The following CTNND2 variants were observed in gnomAD, a reference collection of about 807,000 sequenced individuals.
CTNND2 encodes the protein catenin delta-2.
In CTNND2, 22 loss-of-function variants were observed where a neutral mutation model predicts 144.4. The observed-to-expected ratio is 0.15, with a 90% confidence interval of 0.11 to 0.22. The LOEUF (loss-of-function observed/expected upper bound fraction) is 0.22, where lower values mean the gene tolerates loss of function less well. Among genes scored for constraint, CTNND2 ranks in the 10% least tolerant of loss-of-function variants. CTNND2 has a pLI of 1.00. For synonymous variants in CTNND2, 751 were observed against 695.6 expected (o/e 1.08, Z -1.25); for missense variants, 1,353 against 1,618.8 (o/e 0.84, Z 2.82).
At chr5:11,702,970 C>T (rs921192948) in intron 2 of CTNND2, among the ~76,000 whole-genome samples, 5 of 152,166 alleles carry the variant, frequency 3.3e-5, no homozygotes, top group Admixed American at 6.5e-5. Context: ...TCAGATGCTT[C>T]AGTGTTACTC....
intron 2 of CTNND2, among the ~76,000 whole-genome samples, chr5:11,650,160 T>G (rs1782575223): frequency 6.6e-6 from 1 of 152,082 alleles, no homozygotes; most frequent in African/African-American, 2.4e-5. Context: ...CCCTTGCAGT[T>G]TTCATGATAG....
intron 5 of CTNND2, among the ~76,000 whole-genome samples, chr5:11,400,853 A>G (rs1459510774): frequency 1.3e-5 from 2 of 152,246 alleles, no homozygotes; most frequent in African/African-American, 2.4e-5. Context: ...ACATGGTAAC[A>G]TGAAGAGGCT....
At chr5:11,813,530 C>A (rs1380933712) in intron 1 of CTNND2, among the ~76,000 whole-genome samples, 1 of 152,144 alleles carries the variant, frequency 6.6e-6, no homozygotes, top group Admixed American at 6.6e-5. Flanking sequence ...CTAATTTGGT[C>A]TTGTACAAGC....
chr5:11,234,188 C>G (rs1741365397), intron 10 of CTNND2, among the ~76,000 whole-genome samples: 1 of 152,152 alleles, frequency 6.6e-6, no homozygotes, highest in South Asian at 2.1e-4. Context: ...CAGACACACA[C>G]ACATATGCAC....
chr5:10,992,203 C>A (rs1738759205), intron 19 of CTNND2, among the ~76,000 whole-genome samples: 1 of 152,212 alleles, frequency 6.6e-6, no homozygotes, highest in African/African-American at 2.4e-5. Context: ...CAGGCATGAG[C>A]CACCTCGCCA....
chr5:11,460,422 T>C (rs1766091870), intron 3 of CTNND2, among the ~76,000 whole-genome samples: 1 of 152,240 alleles, frequency 6.6e-6, no homozygotes, highest in Non-Finnish European at 1.5e-5. Flanking sequence ...CTGAATAACC[T>C]AAATGTTGAG....
chr5:11,461,567 G>T (rs555353678), intron 3 of CTNND2, among the ~76,000 whole-genome samples: 1 of 152,228 alleles, frequency 6.6e-6, no homozygotes, highest in South Asian at 2.1e-4. Context: ...GCTGAAGCTT[G>T]CTGTGGATGT....
chr5:11,375,546 T>C (rs1451011384), intron 7 of CTNND2, among the ~76,000 whole-genome samples: 1 of 152,236 alleles, frequency 6.6e-6, no homozygotes, highest in East Asian at 1.9e-4. Flanking sequence ...TGTATGTGCA[T>C]GTATATGTTA....
chr5:11,534,312 G>A (rs941092914), intron 3 of CTNND2, among the ~76,000 whole-genome samples: 6 of 152,084 alleles, frequency 3.9e-5, no homozygotes, highest in Non-Finnish European at 8.8e-5. Context: ...ATAAGAGCAG[G>A]GGACAGAAAT....
intron 14 of CTNND2, among the ~76,000 whole-genome samples, chr5:11,104,675 G>A (rs1056883108): frequency 6.6e-6 from 1 of 152,088 alleles, no homozygotes; most frequent in Non-Finnish European, 1.5e-5. Flanking sequence ...ACGGTAGTGC[G>A]GGTGTCTGAA....
intron 3 of CTNND2, among the ~76,000 whole-genome samples, chr5:11,430,557 T>C (rs1294014319): frequency 6.6e-6 from 1 of 152,142 alleles, no homozygotes; most frequent in Non-Finnish European, 1.5e-5. Flanking sequence ...ATTAATGCAC[T>C]ATCCTGGGAA....
chr5:11,241,091 TACAC>T (rs1182757045), intron 9 of CTNND2, among the ~76,000 whole-genome samples: 2 of 142,290 alleles, frequency 1.4e-5, no homozygotes, highest in Admixed American at 6.9e-5. Context: ...ACACACCCAA[TACAC>T]ACACCCAACA....
At position 11,268,077 on chromosome 5, in the gene CTNND2, C is replaced by T. The variant is rs975656594; in HGVS notation, c.1629-31254G>A. ...TGATTCTACCAATGGTTGAAGAGAC[C>T]TTGAAAGAAGTAGGGGTTTTTAGAG... is the stretch of plus-strand genomic sequence containing the variant. On this transcript the variant is annotated intron_variant, in intron 9 of 21. Coordinates refer to ENST00000304623, the MANE Select transcript of CTNND2 (RefSeq NM_001332.4). Among the ~76,000 whole-genome samples, 5 of 152,134 alleles carry T rather than the reference C, an allele frequency of 3.3e-5. 1 individual carries two copies. Among genetic ancestry groups the T allele is most frequent in the African/African-American group, 1.2e-4 (5 of 41,398 alleles).
At chr5:11,326,512 T>C (rs77065582) in intron 9 of CTNND2, among the ~76,000 whole-genome samples, 6,933 of 152,170 alleles carry the variant, frequency 0.046, 553 homozygotes, top group African/African-American at 0.16. Context: ...TGAAAGCCAC[T>C]GATCTACAAT....
intron 9 of CTNND2, among the ~76,000 whole-genome samples, chr5:11,305,245 G>A (rs1351000387): frequency 6.6e-6 from 1 of 152,200 alleles, no homozygotes; most frequent in Non-Finnish European, 1.5e-5. Flanking sequence ...ACCTGGCACA[G>A]GAAGCATTTA....
At chr5:11,833,746 ACTC>A (rs1261118357) in intron 1 of CTNND2, among the ~76,000 whole-genome samples, 4 of 151,108 alleles carry the variant, frequency 2.6e-5, no homozygotes, top group Non-Finnish European at 5.9e-5. Context: ...CTGGTCTTGA[ACTC>A]CTAACTTCAG....
chr5:11,823,023 C>T (rs914774916), intron 1 of CTNND2, among the ~76,000 whole-genome samples: 2 of 152,156 alleles, frequency 1.3e-5, no homozygotes, highest in East Asian at 3.8e-4. Context: ...ATTCAATTGC[C>T]TGTTAAAATT....
intron 12 of CTNND2, among the ~76,000 whole-genome samples, chr5:11,129,227 T>C (rs1240948713): frequency 1.0e-4 from 3 of 29,246 alleles, no homozygotes; most frequent in African/African-American, 4.6e-4. Context: ...TATATATAAA[T>C]ATATATTATA....
chr5:11,249,329 C>T (rs1743331489), intron 9 of CTNND2, among the ~76,000 whole-genome samples: 1 of 152,170 alleles, frequency 6.6e-6, no homozygotes. Flanking sequence ...TAAGAAAGGA[C>T]TCACACCATG....
Sources: allele counts gnomAD v4.1 joint callset (sites outside exome capture counted in the v4.1 genomes callset), GRCh38; gene constraint gnomAD v4.1.1; transcripts MANE v1.5; gene names NCBI Gene and HGNC (gene_info 2026-07-23, HGNC 2026-07-21).